OSBPL10: variants seen among roughly 807,000 people sequenced by gnomAD.
The protein encoded by OSBPL10 is oxysterol-binding protein-related protein 10.
A neutral mutation model predicts 81.7 loss-of-function variants in OSBPL10; 49 were observed. The ratio of observed to expected loss-of-function variants is 0.60; its 90% CI spans 0.48 to 0.76. OSBPL10 has a LOEUF of 0.76. Ranked by LOEUF, OSBPL10 falls within the 30% of genes least tolerant of loss-of-function variation. The probability of loss-of-function intolerance (pLI) is 0.00; values close to 1 mark genes in which losing one functional copy is unlikely to be tolerated. For missense variants in OSBPL10, 923 were observed against 987.8 expected (o/e 0.93, Z 0.88); for synonymous variants, 419 against 383.6 (o/e 1.09, Z -1.08).
At chr3:31,792,343 G>T (rs1699034286) in intron 4 of OSBPL10, among the ~76,000 whole-genome samples, 2 of 152,084 alleles carry the variant, frequency 1.3e-5, no homozygotes, top group Non-Finnish European at 2.9e-5. Flanking sequence ...TTCAGGAAGA[G>T]AAAAATAATT....
At chr3:31,717,632 C>T (rs116429684) in intron 6 of OSBPL10, among the ~76,000 whole-genome samples, 2,274 of 152,260 alleles carry the variant, frequency 0.015, 37 homozygotes, top group South Asian at 0.035. Flanking sequence ...AAACAGCAGG[C>T]ATTTTCTATT....
chr3:31,872,302 A>G (rs543719828), intron 3 of OSBPL10, among the ~76,000 whole-genome samples: 4 of 152,340 alleles, frequency 2.6e-5, no homozygotes, highest in Admixed American at 2.6e-4. Flanking sequence ...TAGATGTCAG[A>G]GCAAGGACAA....
In OSBPL10 at chr3:31,702,420, T is replaced by A. The variant is rs1359696621; in HGVS notation, c.1184A>T (p.Asp395Val). 2.5e-6 allele frequency: 4 copies of A among 1,614,078 alleles called. No individual in the cohort carries two copies. The African/African-American group carries it at 4.0e-5, about 16-fold the overall frequency. Residue 395 changes from aspartate to valine, a missense_variant, in exon 7 of 12, where the codon GAT becomes GTT. Around this residue, in one of 3 missense-constraint regions of OSBPL10, gnomAD observed 514 missense variants for 508.0 expected, o/e 1.01. Coordinates refer to ENST00000396556, the MANE Select transcript of OSBPL10 (RefSeq NM_017784.5). ...GAGATGAAGAATTATACTACGCTGATCCTCCATGACGCCCAATTCCGTCTC... is the reference window on the plus strand; with the variant it reads ...GAGATGAAGAATTATACTACGCTGAACCTCCATGACGCCCAATTCCGTCTC... ...KEETELGVME[D>V]QRSIILHLIS...
chr3:31,732,257 T>C (rs1049905061), intron 6 of OSBPL10, among the ~76,000 whole-genome samples: 1 of 152,148 alleles, frequency 6.6e-6, no homozygotes, highest in Admixed American at 6.5e-5. Flanking sequence ...AAGATGCCGA[T>C]GAAATATTTG....
At chr3:31,846,632 C>CAATAAATAAATAAATA (rs71097451) in intron 3 of OSBPL10, among the ~76,000 whole-genome samples, 3 of 149,056 alleles carry the variant, frequency 2.0e-5, no homozygotes, top group Admixed American at 6.7e-5. Flanking sequence ...AACTCCATCT[C>CAATAAATAAATAAATA]AATAAATAAA....
chr3:31,989,273 T>G (rs763340372), intron 2 of OSBPL10: 1 of 1,614,146 alleles, frequency 6.2e-7, no homozygotes, highest in Middle Eastern at 1.6e-4. Context: ...TCTGTGGATA[T>G]CTCTTCCAAA....
chr3:31,816,588 G>A (rs117879091), intron 4 of OSBPL10, among the ~76,000 whole-genome samples: 7 of 152,312 alleles, frequency 4.6e-5, no homozygotes, highest in East Asian at 1.9e-4. Flanking sequence ...TCTGGGCCAG[G>A]CACAGTAGCT....
intron 4 of OSBPL10, among the ~76,000 whole-genome samples, chr3:31,748,385 G>A (rs182196664): frequency 6.6e-6 from 1 of 152,170 alleles, no homozygotes; most frequent in Non-Finnish European, 1.5e-5. Context: ...TCATTTTACA[G>A]ATCTTCTGGA....
intron 2 of OSBPL10, among the ~76,000 whole-genome samples, chr3:32,004,890 G>C (rs1233855752): frequency 6.6e-6 from 1 of 152,126 alleles, no homozygotes; most frequent in Non-Finnish European, 1.5e-5. Flanking sequence ...GGTGCTTATT[G>C]TCATCAGCCT....
At chr3:31,930,456 A>G (rs934601839) in intron 1 of OSBPL10, among the ~76,000 whole-genome samples, 3 of 152,198 alleles carry the variant, frequency 2.0e-5, no homozygotes, top group South Asian at 2.1e-4. Context: ...AGCTATTTCT[A>G]TTCTCAACAT....
At chr3:31,745,102 A>G (rs1697480691) in intron 5 of OSBPL10, among the ~76,000 whole-genome samples, 1 of 152,214 alleles carries the variant, frequency 6.6e-6, no homozygotes, top group South Asian at 2.1e-4. Context: ...CTGAGAAGCA[A>G]GAGGAAAGGT....
chr3:31,983,188 A>G (rs1386559122), upstream of OSBPL10, among the ~76,000 whole-genome samples: 1 of 152,220 alleles, frequency 6.6e-6, no homozygotes, highest in Non-Finnish European at 1.5e-5. Flanking sequence ...TAACTTACTG[A>G]TCATATATGA....
At chr3:31,664,938 A>G (rs1700154432) in intron 10 of OSBPL10, among the ~76,000 whole-genome samples, 1 of 152,188 alleles carries the variant, frequency 6.6e-6, no homozygotes, top group African/African-American at 2.4e-5. Context: ...TCTTCAGCCC[A>G]GCTGCTCTTT....
At chr3:31,955,397 T>C (rs909514523) in intron 1 of OSBPL10, among the ~76,000 whole-genome samples, 4 of 152,088 alleles carry the variant, frequency 2.6e-5, no homozygotes, top group African/African-American at 7.2e-5. Context: ...CCAACCTCAA[T>C]AGAAAAAGAA....
At chr3:31,718,939 T>C (rs1696545050) in intron 6 of OSBPL10, 2 of 152,170 alleles carry the variant, frequency 1.3e-5, no homozygotes, top group African/African-American at 4.8e-5. Flanking sequence ...GAAAACTACC[T>C]CTTCACATGG....
At chr3:31,879,901 A>C in intron 1 of OSBPL10, 71 bp from the exon 2 acceptor site, 1 of 1,456,448 alleles carries the variant, frequency 6.9e-7, no homozygotes, top group Non-Finnish European at 9.2e-7. Flanking sequence ...AGAAAAAAGC[A>C]AAGTGATCCA....
intron 1 of OSBPL10, among the ~76,000 whole-genome samples, chr3:31,936,641 G>A (rs2125730720): frequency 6.6e-6 from 1 of 152,158 alleles, no homozygotes; most frequent in South Asian, 2.1e-4. Flanking sequence ...AAAAGTCAGT[G>A]GTTGTCTGTT....
intron 2 of OSBPL10, among the ~76,000 whole-genome samples, chr3:32,034,612 G>C (rs1266631378): frequency 1.3e-5 from 2 of 152,162 alleles, no homozygotes; most frequent in Non-Finnish European, 2.9e-5. Flanking sequence ...GCTCATCACA[G>C]TGCTTTCCAA....
intron 1 of OSBPL10, among the ~76,000 whole-genome samples, chr3:31,885,128 A>C (rs1436634741): frequency 6.6e-6 from 1 of 152,146 alleles, no homozygotes; most frequent in East Asian, 1.9e-4. Context: ...AGATATATCC[A>C]TTGTTTCCAA....
Sources: allele counts gnomAD v4.1 joint callset (sites outside exome capture counted in the v4.1 genomes callset), GRCh38; gene constraint gnomAD v4.1.1; regional missense constraint gnomAD v4.1.1; transcripts MANE v1.5; gene names NCBI Gene and HGNC (gene_info 2026-07-23, HGNC 2026-07-21).